Variants in CMYA5 observed in about 807,000 individuals in gnomAD.
The protein encoded by CMYA5 is cardiomyopathy associated 5, also known as cardiomyopathy-associated protein 5.
In CMYA5, 246 loss-of-function variants were observed where a neutral mutation model predicts 318.9. That is an observed-to-expected ratio of 0.77 (90% CI 0.70 to 0.86). CMYA5 has a LOEUF of 0.86. CMYA5 is among the 40% of genes least tolerant of loss of function. CMYA5 has a pLI of 0.00. For missense variants in CMYA5, 4,589 were observed against 4,678.2 expected (o/e 0.98, Z 0.56); for synonymous variants, 1,641 against 1,729.5 (o/e 0.95, Z 1.27).
intron 12 of CMYA5, among the ~76,000 whole-genome samples, chr5:79,797,224 A>G (rs1829291734): frequency 6.6e-6 from 1 of 152,218 alleles, no homozygotes; most frequent in Admixed American, 6.5e-5. Flanking sequence ...TGTACTAGGA[A>G]CCACTGGAGT....
chr5:79,736,324 A>G lies in CMYA5; in HGVS notation c.7559A>G (p.Asn2520Ser). 2 of 1,613,660 alleles carry G rather than the reference A, an allele frequency of 1.2e-6. No homozygotes were observed. The highest frequency in any genetic ancestry group is 1.7e-6 in the Non-Finnish European group (2 of 1,179,766). The part of the protein sequence containing the change: ...ADAMPQHFYQ[N>S]EDYNERPKII... ...GCTATGCCACAGCACTTCTATCAAAATGAAGACTACAATGAAAGACCCAAA... is the reference window on the plus strand; with the variant it reads ...GCTATGCCACAGCACTTCTATCAAAGTGAAGACTACAATGAAAGACCCAAA... The change falls in exon 2 of 13, where the codon AAT (asparagine) becomes AGT (serine). Residue 2520 changes from asparagine (N) to serine (S), a missense_variant. By Grantham distance (46) the Asn-to-Ser change is conservative. This residue lies in a region of CMYA5 where 2,431 missense variants were observed against 2,495.1 expected (regional missense o/e 0.97). Transcript: ENST00000446378.
intron 9 of CMYA5, among the ~76,000 whole-genome samples, chr5:79,772,261 G>A (rs1042939079): frequency 3.9e-5 from 6 of 152,144 alleles, no homozygotes; most frequent in African/African-American, 1.4e-4. Context: ...AAGCATATTA[G>A]GGGCCGGCTA....
chr5:79,737,098 C>T lies in CMYA5; in HGVS notation c.8333C>T (p.Thr2778Ile), dbSNP rs750954742. 4 of 1,613,500 alleles carry T rather than the reference C, an allele frequency of 2.5e-6. No homozygotes were observed. Among genetic ancestry groups the T allele is most frequent in the Middle Eastern group, 1.7e-4 (1 of 6,060 alleles). ...ELWKGGSVDI[T>I]KESMKEGFPS... ...TGGAAAGGTGGTTCAGTAGATATCA[C>T]AAAAGAAAGTATGAAAGAAGGATTT... The change falls in exon 2 of 13, where the codon ACA becomes ATA. Residue 2778 changes from threonine (T) to isoleucine (I), a missense_variant. Physicochemically the swap from Thr to Ile is moderately conservative, Grantham distance 89 (BLOSUM62 -1). Coordinates refer to ENST00000446378, the MANE Select transcript of CMYA5 (RefSeq NM_153610.5).
chr5:79,703,347 C>G (rs1317427950), intron 1 of CMYA5, among the ~76,000 whole-genome samples: 1 of 152,154 alleles, frequency 6.6e-6, no homozygotes, highest in Non-Finnish European at 1.5e-5. Context: ...TCAGCTGAAT[C>G]TGAGTATTCA....
rs1829333151 is a variant in CMYA5, at chr5:79,799,488, G to A, written c.12082G>A (p.Glu4028Lys). 3 of 1,613,868 alleles carry A rather than the reference G, an allele frequency of 1.9e-6. No homozygotes were observed. Among genetic ancestry groups the A allele is most frequent in the Middle Eastern group, 1.6e-4 (1 of 6,082 alleles). Residue 4028 changes from glutamate (E) to lysine (K), a missense_variant, in exon 13 of 13, where the codon GAG becomes AAG. Physicochemically the swap from Glu to Lys is moderately conservative, Grantham distance 56. Transcript: ENST00000446378. ...ACTTATCTTCATCAACGCAGAGAGC[G>A]AGCAGTTGCTCTTCATCATCAGGCA... is the stretch of plus-strand genomic sequence containing the variant. ...QRLIFINAES[E>K]QLLFIIRHRF...
At chr5:79,764,121 C>T (rs771638907) in intron 9 of CMYA5, among the ~76,000 whole-genome samples, 18 of 151,838 alleles carry the variant, frequency 1.2e-4, no homozygotes, top group South Asian at 1.0e-3. Context: ...CATCTGTATT[C>T]GGTGTTTCTC....
At chr5:79,727,493 C>T (rs1442741903) in intron 1 of CMYA5, among the ~76,000 whole-genome samples, 2 of 151,964 alleles carry the variant, frequency 1.3e-5, no homozygotes, top group African/African-American at 2.4e-5. Flanking sequence ...TAATTTAACA[C>T]TTATGTTTCG....
chr5:79,750,920 T>G (rs1014197584), intron 5 of CMYA5, among the ~76,000 whole-genome samples: 2 of 152,204 alleles, frequency 1.3e-5, no homozygotes, highest in Non-Finnish European at 2.9e-5. Flanking sequence ...CAAAATGTCC[T>G]ACATTAATAC....
intron 1 of CMYA5, among the ~76,000 whole-genome samples, chr5:79,720,979 G>A (rs192493728): frequency 6.2e-4 from 95 of 152,214 alleles, no homozygotes; most frequent in African/African-American, 2.0e-3. Context: ...TATATCTCAC[G>A]TGGCTTAACA....
rs559772771 is a variant in CMYA5, at chr5:79,776,941, G to C, written c.11556-12030G>C. Among the ~76,000 whole-genome samples, 302 of 152,254 alleles carry C rather than the reference G, an allele frequency of 2.0e-3. 3 individuals carry two copies. Among genetic ancestry groups the C allele is most frequent in the Non-Finnish European group, 3.0e-3 (201 of 68,018 alleles). On this transcript the variant is annotated intron_variant, in intron 9 of 12. Coordinates refer to ENST00000446378, the MANE Select transcript of CMYA5 (RefSeq NM_153610.5). ...AAAGCATACTTAGATCCAGGGGTTG[G>C]ACATGGTGGTACAGAGAACAACCAC...
At position 79,730,200 on chromosome 5, in the gene CMYA5, A is replaced by G. The variant is rs1457061854; in HGVS notation, c.1435A>G (p.Ser479Gly). The stretch of plus-strand genomic sequence containing the variant: ...CGCAAAACTGACCCCTACCCATCCC[A>G]GTGTCAAAGGAGAGAAGGAGGAAAA... ...VSAKLTPTHP[S>G]VKGEKEENML... Residue 479 changes from serine (S) to glycine (G), a missense_variant, in exon 2 of 13, where the codon AGT (serine) becomes GGT (glycine). Physicochemically the swap from Ser to Gly is moderately conservative, Grantham distance 56. Transcript: ENST00000446378. 2 of 1,613,940 alleles carry G rather than the reference A, an allele frequency of 1.2e-6. No individual in the cohort carries two copies. Among genetic ancestry groups the G allele is most frequent in the Non-Finnish European group, 8.5e-7 (1 of 1,179,868 alleles).
chr5:79,757,998 G>A (rs1413145734), intron 6 of CMYA5, among the ~76,000 whole-genome samples: 4 of 152,350 alleles, frequency 2.6e-5, no homozygotes, highest in Non-Finnish European at 5.9e-5. Flanking sequence ...GGGAGGCTGA[G>A]GCGGGTGGAA....
At position 79,732,916 on chromosome 5, in the gene CMYA5, A is replaced by G. The variant is rs750764424; in HGVS notation, c.4151A>G (p.Asp1384Gly). Residue 1384 changes from aspartate to glycine, a missense_variant, in exon 2 of 13, where the codon GAT becomes GGT. Asp to Gly is a moderately conservative substitution (Grantham distance 94). Coordinates refer to ENST00000446378, the MANE Select transcript of CMYA5 (RefSeq NM_153610.5). ...PTDSSLITPVDRPVLTKVGKG... is the reference protein window; with the variant it reads ...PTDSSLITPVGRPVLTKVGKG... ...GATTCATCTCTTATCACTCCTGTAG[A>G]TCGTCCAGTCTTAACAAAAGTAGGA... 3 of 1,613,816 alleles carry G rather than the reference A, an allele frequency of 1.9e-6. No individual in the cohort carries two copies. In the South Asian group the frequency reaches 3.3e-5, roughly 18 times the overall value.
rs1208158623 is a variant in CMYA5 at position 79,789,109 on chromosome 5, T to C, written c.11689+5T>C. 9.9e-6 allele frequency: 16 copies of C among 1,613,734 alleles called. No individual in the cohort carries two copies. The highest frequency in any genetic ancestry group is 1.4e-5 in the Non-Finnish European group (16 of 1,179,776). ...CTGCTCTCATCTCCACCAGAGGTAC[T>C]TTCTCCTTTGCACACAGTGAGCTAT... On this transcript the variant is annotated splice_donor_5th_base_variant and intron_variant, in intron 10 of 12. Transcript: ENST00000446378.
intron 9 of CMYA5, 147 bp from the exon 10 acceptor site, chr5:79,788,824 C>T (rs1829124442): frequency 2.8e-6 from 2 of 721,728 alleles, no homozygotes; most frequent in Non-Finnish European, 4.4e-6. Context: ...TTTGTAGGAC[C>T]TGGCTTGCTA....
chr5:79,718,122 C>T lies in CMYA5; in HGVS notation c.150-10793C>T, dbSNP rs1431043531. 6.2e-5 allele frequency among the ~76,000 whole-genome samples: 3 copies of T among 48,368 alleles called. 1 individual carries two copies. The highest frequency in any genetic ancestry group is 5.1e-4 in the South Asian group (1 of 1,946). The allele number at this position is 48,368 out of a possible 152,430, so 31.7% of individuals were successfully genotyped here. A position where few individuals can be genotyped will look rare whatever the true frequency, so the allele number is the denominator to read the frequency against. On this transcript the variant is annotated intron_variant, in intron 1 of 12. Transcript: ENST00000446378. ...CGGGATGGTCTCGATCTCCTGACCT[C>T]GTGATCCGCCCGCCTCGGCCTCCCA... is the stretch of plus-strand genomic sequence containing the variant.
rs1293570977 is a variant in CMYA5 at position 79,730,412 on chromosome 5, A to G, written c.1647A>G (p.Pro549=). 8.1e-6 allele frequency: 13 copies of G among 1,613,766 alleles called. No homozygotes were observed. The East Asian group carries it at 2.9e-4, about 36-fold the overall frequency. The change falls in exon 2 of 13, where the codon CCA becomes CCG. Residue 549 remains proline (P), a synonymous_variant. Transcript: ENST00000446378. ...SPLVSEKPFP[P]HMSPEVEHKE... ...TGGTTTCCGAGAAGCCCTTCCCACCACATATGTCCCCTGAAGTGGAGCACA... is the reference window on the plus strand; with the variant it reads ...TGGTTTCCGAGAAGCCCTTCCCACCGCATATGTCCCCTGAAGTGGAGCACA...
At chr5:79,694,652 C>A (rs1215071686) in intron 1 of CMYA5, among the ~76,000 whole-genome samples, 1 of 152,230 alleles carries the variant, frequency 6.6e-6, no homozygotes, top group Non-Finnish European at 1.5e-5. Flanking sequence ...TAGTGACATT[C>A]ACATTTAACT....
intron 3 of CMYA5, among the ~76,000 whole-genome samples, chr5:79,744,370 T>C (rs996750567): frequency 1.3e-5 from 2 of 152,150 alleles, no homozygotes; most frequent in Non-Finnish European, 2.9e-5. Context: ...AGTGAGTGCC[T>C]CTCATAGCAC....
Sources: gnomAD v4.1 joint callset for allele counts (sites outside exome capture counted in the v4.1 genomes callset) on GRCh38, gnomAD v4.1.1 for gene constraint, gnomAD v4.1.1 regional missense constraint, MANE v1.5 for transcripts, NCBI Gene and HGNC (gene_info 2026-07-23, HGNC 2026-07-21) for gene names.